Variants in TENM2 observed in about 807,000 individuals in gnomAD.
TENM2 encodes the protein teneurin-2.
A neutral mutation model predicts 245.2 loss-of-function variants in TENM2; 52 were observed. The observed-to-expected ratio is 0.21, with a 90% CI of 0.17 to 0.27. The LOEUF (loss-of-function observed/expected upper bound fraction) is 0.27. Ranked by LOEUF, TENM2 falls within the 10% of genes least tolerant of loss-of-function variation. The pLI, the probability that TENM2 is intolerant of heterozygous loss-of-function variation, is 1.00. For synonymous variants in TENM2, 1,363 were observed against 1,438.9 expected (o/e 0.95, Z 1.19); for missense variants, 3,046 against 3,666.8 (o/e 0.83, Z 4.37).
intron 12 of TENM2, among the ~76,000 whole-genome samples, chr5:168,151,286 A>G (rs1211418590): frequency 6.6e-6 from 1 of 152,170 alleles, no homozygotes; most frequent in Non-Finnish European, 1.5e-5. Context: ...ATTTTCATTT[A>G]CGTCTTTGGA....
chr5:167,687,185 T>A (rs1159943160), intron 2 of TENM2, among the ~76,000 whole-genome samples: 1 of 152,174 alleles, frequency 6.6e-6, no homozygotes, highest in Non-Finnish European at 1.5e-5. Context: ...CACCAAGAAA[T>A]GGTTTAAGTT....
At chr5:167,335,424 C>G (rs915845453) in intron 1 of TENM2, among the ~76,000 whole-genome samples, 13 of 152,186 alleles carry the variant, frequency 8.5e-5, no homozygotes, top group African/African-American at 3.1e-4. Flanking sequence ...AGCAGGGACA[C>G]AGATCCAAAT....
the TENM2 span, among the ~76,000 whole-genome samples, chr5:167,272,525 T>G: frequency 6.6e-6 from 1 of 152,192 alleles, no homozygotes; most frequent in African/African-American, 2.4e-5. Flanking sequence ...TAAAACTTTT[T>G]ATTAGAATTA....
chr5:168,104,464 G>A (rs531794045), intron 9 of TENM2, among the ~76,000 whole-genome samples: 1 of 152,324 alleles, frequency 6.6e-6, no homozygotes, highest in East Asian at 1.9e-4. Context: ...TTCTGTGACT[G>A]CAGGCAGCCG....
intron 2 of TENM2, among the ~76,000 whole-genome samples, chr5:167,626,384 A>C (rs958261622): frequency 4.6e-5 from 7 of 152,188 alleles, no homozygotes; most frequent in African/African-American, 1.7e-4. Flanking sequence ...TGTTATACTT[A>C]ATAGAACTAA....
At chr5:168,160,212 A>G (rs556411249) in intron 12 of TENM2, among the ~76,000 whole-genome samples, 6 of 152,304 alleles carry the variant, frequency 3.9e-5, no homozygotes, top group African/African-American at 1.4e-4. Context: ...AACCTGTGAA[A>G]TGTCCCTTGG....
intron 15 of TENM2, among the ~76,000 whole-genome samples, chr5:168,197,905 A>G (rs576416997): frequency 2.6e-5 from 4 of 152,366 alleles, no homozygotes; most frequent in African/African-American, 7.2e-5. Flanking sequence ...AATCAGCCAC[A>G]GAGCAGAGGC....
chr5:167,099,304 G>T, the TENM2 span, among the ~76,000 whole-genome samples: 1 of 152,004 alleles, frequency 6.6e-6, no homozygotes, highest in East Asian at 1.9e-4. Flanking sequence ...TCCCTTTAAG[G>T]GTTAATTGTA....
intron 2 of TENM2, among the ~76,000 whole-genome samples, chr5:167,793,772 GCT>G (rs1765135784): frequency 6.6e-6 from 1 of 151,792 alleles, no homozygotes; most frequent in South Asian, 2.1e-4. Flanking sequence ...AGAGGTCAAG[GCT>G]GCAGTGAGCC....
chr5:167,727,686 T>C (rs1760123217), intron 2 of TENM2, among the ~76,000 whole-genome samples: 1 of 152,262 alleles, frequency 6.6e-6, no homozygotes, highest in South Asian at 2.1e-4. Context: ...ATACTTTACA[T>C]GTATTTTATC....
At chr5:167,356,217 A>AAAAAAAAAGAAAAATT (rs1759321624) in intron 1 of TENM2, among the ~76,000 whole-genome samples, 5 of 129,098 alleles carry the variant, frequency 3.9e-5, no homozygotes, top group African/African-American at 1.3e-4. Flanking sequence ...AAAAAAAAAA[A>AAAAAAAAAGAAAAATT]AAAATTAAAA....
At chr5:167,634,890 A>C (rs1463472285) in intron 2 of TENM2, among the ~76,000 whole-genome samples, 2 of 152,182 alleles carry the variant, frequency 1.3e-5, no homozygotes, top group African/African-American at 4.8e-5. Context: ...TAATTTCATG[A>C]AAATAAGTAT....
At chr5:167,124,701 T>C in the TENM2 span, among the ~76,000 whole-genome samples, 5 of 152,204 alleles carry the variant, frequency 3.3e-5, no homozygotes, top group Non-Finnish European at 5.9e-5. Context: ...GCTTGTAATC[T>C]AGTAAGGTGG....
At chr5:168,168,917 G>A (rs532401068) in intron 13 of TENM2, among the ~76,000 whole-genome samples, 125 of 152,036 alleles carry the variant, frequency 8.2e-4, no homozygotes, top group African/African-American at 2.9e-3. Flanking sequence ...ATTTGTTGAG[G>A]GTTTACTAAA....
chr5:167,283,459 C>T (rs1456100902), upstream of TENM2, among the ~76,000 whole-genome samples: 2 of 150,166 alleles, frequency 1.3e-5, no homozygotes, highest in Non-Finnish European at 3.0e-5. Flanking sequence ...TAGAAGAACT[C>T]CTGGTGTGAA....
intron 8 of TENM2, among the ~76,000 whole-genome samples, chr5:168,095,837 G>A (rs1581282211): frequency 6.6e-6 from 1 of 152,234 alleles, no homozygotes; most frequent in African/African-American, 2.4e-5. Flanking sequence ...AGACTCATGG[G>A]TCAGAGACAA....
chr5:167,196,638 A>C, the TENM2 span, among the ~76,000 whole-genome samples: 2 of 151,610 alleles, frequency 1.3e-5, no homozygotes, highest in Admixed American at 1.3e-4. Flanking sequence ...TCATCCCTCT[A>C]TATTCGTGGG....
intron 3 of TENM2, among the ~76,000 whole-genome samples, chr5:167,943,345 A>G (rs931415059): frequency 3.3e-5 from 5 of 152,182 alleles, no homozygotes; most frequent in African/African-American, 9.7e-5. Flanking sequence ...ATTATATTTT[A>G]TCTTTGTTTT....
chr5:167,306,613 T>A (rs568613126), intron 1 of TENM2: 31 of 152,140 alleles, frequency 2.0e-4, no homozygotes, highest in Non-Finnish European at 3.1e-4. Flanking sequence ...GGATGCCAGC[T>A]AAGCCAAGTG....
Sources: gnomAD v4.1 joint callset for allele counts (sites outside exome capture counted in the v4.1 genomes callset) on GRCh38, gnomAD v4.1.1 for gene constraint, MANE v1.5 for transcripts, NCBI Gene and HGNC (gene_info 2026-07-23, HGNC 2026-07-21) for gene names.